Variants in ZNF83 observed in about 807,000 individuals in gnomAD.
ZNF83 encodes the protein zinc finger protein 816B.
For missense variants in ZNF83, 552 were observed against 629.9 expected (o/e 0.88, Z 1.32); for synonymous variants, 209 against 213.0 (o/e 0.98, Z 0.17).
At chr19:52,675,117 C>T (rs1340262276) in intron 1 of ZNF83, among the ~76,000 whole-genome samples, 1 of 152,174 alleles carries the variant, frequency 6.6e-6, no homozygotes, top group African/African-American at 2.4e-5. Context: ...TCTTATTAAA[C>T]AAAGGAAGTT....
At chr19:52,664,007 C>T (rs1004205987) in intron 1 of ZNF83, among the ~76,000 whole-genome samples, 3 of 152,152 alleles carry the variant, frequency 2.0e-5, no homozygotes, top group Non-Finnish European at 2.9e-5. Context: ...CTGCCTGTCT[C>T]CCCAGTAGCT....
At chr19:52,678,415 A>C (rs1600268392) in intron 1 of ZNF83, among the ~76,000 whole-genome samples, 1 of 142,672 alleles carries the variant, frequency 7.0e-6, no homozygotes. Context: ...GCACCATTGC[A>C]CTCCAGCCTG....
exon 3 of ZNF83, chr19:52,614,608 C>T: frequency 3.3e-6 from 5 of 1,519,430 alleles, no homozygotes; most frequent in Admixed American, 2.1e-5. Context: ...CACACGCACT[C>T]GCTTATAATG....
At position 52,620,711 on chromosome 19, in the gene ZNF83, G is replaced by A. The variant is rs183744053; in HGVS notation, c.-233-5914C>T. Among the ~76,000 whole-genome samples, 17 of 152,334 alleles carry A rather than the reference G, an allele frequency of 1.1e-4. No homozygotes were observed. The East Asian group carries it at 3.1e-3, about 28-fold the overall frequency. On this transcript the variant is annotated intron_variant, in intron 2 of 2. Transcript: ENST00000301096. ...CAGGCCTCTGAGCCCAAGTCTGCAC[G>A]TATACATCCAGATGGTCTGAGGCAA...
chr19:52,656,119 A>G (rs564971550), intron 2 of ZNF83, among the ~76,000 whole-genome samples: 8 of 152,102 alleles, frequency 5.3e-5, no homozygotes, highest in Admixed American at 6.5e-5. Flanking sequence ...AGGCTGAGGT[A>G]GGAGTATAGC....
At chr19:52,628,717 G>A (rs1027022211) in intron 2 of ZNF83, among the ~76,000 whole-genome samples, 1 of 151,500 alleles carries the variant, frequency 6.6e-6, no homozygotes, top group Non-Finnish European at 1.5e-5. Flanking sequence ...CCCCTTCTTC[G>A]CCTTTCTGGG....
intron 1 of ZNF83, among the ~76,000 whole-genome samples, chr19:52,676,424 G>A (rs1330420932): frequency 1.3e-5 from 2 of 151,920 alleles, no homozygotes; most frequent in Non-Finnish European, 2.9e-5. Flanking sequence ...AGTGAGGAGC[G>A]TCTCTGCCTG....
exon 3 of ZNF83, chr19:52,614,262 G>T: frequency 6.2e-7 from 1 of 1,614,100 alleles, no homozygotes; most frequent in Non-Finnish European, 8.5e-7. Context: ...CTTGATGAAA[G>T]GCCTTGCCAC....
At chr19:52,614,502 C>A in exon 3 of ZNF83, 1 of 1,606,862 alleles carries the variant, frequency 6.2e-7, no homozygotes, top group Admixed American at 1.7e-5. Flanking sequence ...GATGTGACTG[C>A]GGGTTTAATC....
intron 1 of ZNF83, among the ~76,000 whole-genome samples, chr19:52,685,907 A>T (rs899221): frequency 9.9e-5 from 4 of 40,420 alleles, no homozygotes; most frequent in South Asian, 6.6e-4. Context: ...CAAAAAAAAA[A>T]AAAAAAAAAA....
chr19:52,622,655 C>G (rs1168860532), intron 2 of ZNF83, among the ~76,000 whole-genome samples: 1 of 151,106 alleles, frequency 6.6e-6, no homozygotes. Context: ...AAGATGAAAA[C>G]CCAGCCCAGT....
intron 2 of ZNF83, among the ~76,000 whole-genome samples, chr19:52,621,670 T>A (rs1406719863): frequency 6.6e-6 from 1 of 152,048 alleles, no homozygotes; most frequent in Non-Finnish European, 1.5e-5. Context: ...TCCTCCTACT[T>A]CCCCCTTAGC....
intron 3 of ZNF83, among the ~76,000 whole-genome samples, chr19:52,646,475 G>A (rs189610317): frequency 2.5e-3 from 381 of 152,232 alleles, no homozygotes; most frequent in Non-Finnish European, 4.1e-3. Flanking sequence ...CTTGACCCCC[G>A]GAGGTCAAGG....
intron 2 of ZNF83, among the ~76,000 whole-genome samples, chr19:52,618,236 CAT>C (rs1032925416): frequency 6.6e-4 from 100 of 151,892 alleles, no homozygotes; most frequent in African/African-American, 2.3e-3. Flanking sequence ...GGATTACAGA[CAT>C]GTGCCATCAC....
chr19:52,653,335 ACT>A, intron 3 of ZNF83: 1 of 1,260,644 alleles, frequency 7.9e-7, no homozygotes, highest in African/African-American at 1.5e-5. Context: ...TCCAGTATGA[ACT>A]CTCTGATGTT....
At chr19:52,637,444 CT>C (rs1221120339) in intron 1 of ZNF83, among the ~76,000 whole-genome samples, 5 of 152,288 alleles carry the variant, frequency 3.3e-5, no homozygotes, top group Middle Eastern at 6.8e-3. Flanking sequence ...TTTGCTGCCC[CT>C]CTCCCTACCT....
At chr19:52,615,862 A>G (rs554378522) in intron 2 of ZNF83, among the ~76,000 whole-genome samples, 1 of 152,282 alleles carries the variant, frequency 6.6e-6, no homozygotes, top group African/African-American at 2.4e-5. Context: ...TTTTGAGACG[A>G]AGTCTCACTC....
chr19:52,652,650 C>T, intron 3 of ZNF83: 1 of 524,452 alleles, frequency 1.9e-6, no homozygotes, highest in Non-Finnish European at 3.7e-6. Context: ...TGTAAGATCT[C>T]TCTTCATTAT....
Position 52,687,606 on chromosome 19 carries a change from TA to T in ZNF83, c.-283+2836del, listed in dbSNP as rs1568588932. 5.3e-4 allele frequency among the ~76,000 whole-genome samples: 17 copies of T among 31,808 alleles called. No individual in the cohort carries two copies. The African/African-American group carries it at 6.1e-3, about 11-fold the overall frequency. The allele number at this position is 31,808 out of a possible 152,430, so 20.9% of individuals were successfully genotyped here. ...TATATATATATATATAATGTATATA[TA>T]TATAATGTGTATATATATATATAAT... On this transcript the variant is annotated intron_variant, in intron 1 of 5. Coordinates refer to the ZNF83 transcript ENST00000594682.
Sources: gnomAD v4.1 joint callset for allele counts (sites outside exome capture counted in the v4.1 genomes callset) on GRCh38, gnomAD v4.1.1 for gene constraint, MANE v1.5 for transcripts, NCBI Gene and HGNC (gene_info 2026-07-23, HGNC 2026-07-21) for gene names.